Variants in NRG1 observed in about 807,000 individuals in gnomAD.
The protein encoded by NRG1 is neuregulin 1, also known as pro-neuregulin-1, membrane-bound isoform.
Under a neutral mutation model 63.8 loss-of-function variants are expected in NRG1, and 18 were observed. That is an observed-to-expected ratio of 0.28 (90% CI 0.19 to 0.42). The LOEUF (loss-of-function observed/expected upper bound fraction) is 0.42, where lower values mean the gene tolerates loss of function less well. Among genes scored for constraint, NRG1 ranks in the 10% least tolerant of loss-of-function variants. The pLI is 1.00. For synonymous variants in NRG1, 302 were observed against 301.3 expected, an observed-to-expected ratio of 1.00 and a Z score of -0.02; for missense variants, 762 against 814.7, an observed-to-expected ratio of 0.94 and a Z score of 0.79.
At position 31,688,563 on chromosome 8, in the gene NRG1, C is replaced by T. The variant is rs1448253996; in HGVS notation, c.37+49132C>T. 3.9e-5 allele frequency among the ~76,000 whole-genome samples: 6 copies of T among 152,194 alleles called. No homozygotes were observed. The East Asian group carries it at 9.6e-4, about 24-fold the overall frequency. On this transcript the variant is annotated intron_variant, in intron 1 of 10. Transcript: ENST00000519301. Reference sequence around the variant, plus strand: ...AACATAATGAGGAAATCTGTGTGTACTGATGAGAAAATATGTCCATCATGT... The same window carrying T: ...AACATAATGAGGAAATCTGTGTGTATTGATGAGAAAATATGTCCATCATGT...
At chr8:32,152,276 G>A (rs993082528) in intron 1 of NRG1, among the ~76,000 whole-genome samples, 3 of 152,290 alleles carry the variant, frequency 2.0e-5, no homozygotes, top group Non-Finnish European at 2.9e-5. Context: ...ACACTTTGTG[G>A]TTCTTCTATT....
At chr8:31,700,137 C>G (rs1810487511) in intron 1 of NRG1, among the ~76,000 whole-genome samples, 1 of 152,070 alleles carries the variant, frequency 6.6e-6, no homozygotes, top group Non-Finnish European at 1.5e-5. Context: ...ATCTGATTTG[C>G]CTTTAAGAAA....
intron 1 of NRG1, among the ~76,000 whole-genome samples, chr8:32,279,507 C>T (rs903125399): frequency 2.0e-5 from 3 of 152,166 alleles, no homozygotes; most frequent in Non-Finnish European, 4.4e-5. Context: ...CACGTGCCAC[C>T]ACATCCAGCT....
intron 1 of NRG1, among the ~76,000 whole-genome samples, chr8:32,503,061 GGATCATGA>G (rs1828057492): frequency 6.6e-6 from 1 of 151,770 alleles, no homozygotes; most frequent in African/African-American, 2.4e-5. Flanking sequence ...TGAGATGGGC[GGATCATGA>G]GGTCAGGAGA....
intron 1 of NRG1, among the ~76,000 whole-genome samples, chr8:32,037,492 G>T (rs1819253042): frequency 6.6e-6 from 1 of 152,204 alleles, no homozygotes; most frequent in African/African-American, 2.4e-5. Context: ...CGCCTCATCA[G>T]GGCTGCCCTG....
intron 1 of NRG1, among the ~76,000 whole-genome samples, chr8:31,709,599 T>G (rs1167016959): frequency 6.6e-6 from 1 of 152,110 alleles, no homozygotes; most frequent in Non-Finnish European, 1.5e-5. Context: ...TTCAGAGTAT[T>G]AATAATTGGC....
At chr8:31,849,983 AT>A (rs1248455401) in intron 1 of NRG1, among the ~76,000 whole-genome samples, 3 of 152,180 alleles carry the variant, frequency 2.0e-5, no homozygotes, top group Admixed American at 2.0e-4. Flanking sequence ...AAAATAAAAT[AT>A]AGAAGTGTTC....
chr8:32,443,464 A>G (rs530835579), intron 1 of NRG1, among the ~76,000 whole-genome samples: 1 of 152,210 alleles, frequency 6.6e-6, no homozygotes, highest in Non-Finnish European at 1.5e-5. Context: ...AAGATGCAGC[A>G]AGGTGAACCT....
intron 1 of NRG1, among the ~76,000 whole-genome samples, chr8:31,732,728 CTACTAAAAATACAAAAAT>C (rs1156900119): frequency 3.3e-5 from 5 of 152,044 alleles, no homozygotes; most frequent in Non-Finnish European, 4.4e-5. Context: ...AACTCCATCT[CTACTAAAAATACAAAAAT>C]TAGCCGGGCA....
chr8:32,191,270 G>C (rs1842468677), intron 1 of NRG1, among the ~76,000 whole-genome samples: 1 of 151,856 alleles, frequency 6.6e-6, no homozygotes, highest in South Asian at 2.1e-4. Context: ...TTTTTAGCAG[G>C]GACAGGGTTT....
intron 1 of NRG1, among the ~76,000 whole-genome samples, chr8:32,199,742 A>G (rs1711681080): frequency 6.6e-6 from 1 of 152,102 alleles, no homozygotes; most frequent in African/African-American, 2.4e-5. Context: ...TTTATTACAA[A>G]TATTCTAAAA....
chr8:32,033,874 T>C (rs73588422), intron 1 of NRG1, among the ~76,000 whole-genome samples: 3,921 of 152,282 alleles, frequency 0.026, 186 homozygotes, highest in African/African-American at 0.09. Flanking sequence ...TTTCCAGATA[T>C]AGGGTCATGT....
intron 1 of NRG1, among the ~76,000 whole-genome samples, chr8:32,100,207 A>G (rs1017642733): frequency 1.3e-5 from 2 of 152,060 alleles, no homozygotes; most frequent in Admixed American, 6.6e-5. Flanking sequence ...ACAAAACAAA[A>G]CAAAACAAAA....
chr8:32,502,314 C>T (rs1287043680), intron 1 of NRG1, among the ~76,000 whole-genome samples: 3 of 150,792 alleles, frequency 2.0e-5, no homozygotes, highest in African/African-American at 7.3e-5. Context: ...GAGTACAGTA[C>T]CAAGAGGGAT....
intron 1 of NRG1, among the ~76,000 whole-genome samples, chr8:31,747,729 A>G (rs1395482608): frequency 9.2e-5 from 14 of 151,942 alleles, no homozygotes. Flanking sequence ...CAACTCGATT[A>G]ACACAGGCCT....
chr8:31,683,350 C>T (rs1808535082), intron 1 of NRG1, among the ~76,000 whole-genome samples: 1 of 152,034 alleles, frequency 6.6e-6, no homozygotes, highest in Non-Finnish European at 1.5e-5. Flanking sequence ...CAATGGAATA[C>T]TATTCAGTGC....
Position 32,039,318 on chromosome 8 carries a change from T to C in NRG1, c.37+399887T>C, listed in dbSNP as rs150905397. Among the ~76,000 whole-genome samples the C allele has an allele frequency of 1.5e-3, 223 of 152,326 alleles. 1 individual carries two copies. Among genetic ancestry groups the C allele is most frequent in the Non-Finnish European group, 2.4e-3 (160 of 68,038 alleles). On this transcript the variant is annotated intron_variant, in intron 1 of 10. Transcript: ENST00000519301. Reference sequence around the variant, plus strand: ...CTATGTTAGCCTGCGATTGTTATTCTAGTGTTGGTCTCAAATAACTTAAAC... The same window carrying C: ...CTATGTTAGCCTGCGATTGTTATTCCAGTGTTGGTCTCAAATAACTTAAAC...
At chr8:32,259,027 C>T (rs563578562) in intron 1 of NRG1, among the ~76,000 whole-genome samples, 2 of 152,120 alleles carry the variant, frequency 1.3e-5, no homozygotes, top group Non-Finnish European at 2.9e-5. Context: ...CAATAAGAGA[C>T]CTGCAAATAC....
chr8:32,592,256 C>T (rs556801762), intron 1 of NRG1, among the ~76,000 whole-genome samples: 3 of 152,138 alleles, frequency 2.0e-5, no homozygotes, highest in Admixed American at 6.5e-5. Context: ...GATTCCTTTG[C>T]GTAACCACAA....
Sources: gnomAD v4.1 joint callset for allele counts (sites outside exome capture counted in the v4.1 genomes callset) on GRCh38, gnomAD v4.1.1 for gene constraint, MANE v1.5 for transcripts, NCBI Gene and HGNC (gene_info 2026-07-23, HGNC 2026-07-21) for gene names.